The following IDO2 variants were observed in gnomAD, a reference collection of about 807,000 sequenced individuals.
The protein encoded by IDO2 is indoleamine 2,3-dioxygenase 2.
A neutral mutation model predicts 45.1 loss-of-function variants in IDO2; 46 were observed. The observed-to-expected ratio is 1.02, with a 90% CI of 0.80 to 1.30. The LOEUF (loss-of-function observed/expected upper bound fraction) is 1.30. Among genes scored for constraint, IDO2 ranks in the 50% most tolerant of loss-of-function variants. The pLI, the probability that IDO2 is intolerant of heterozygous loss-of-function variation, is 0.00. For missense variants in IDO2, 544 were observed against 491.8 expected (o/e 1.11, Z -1.00); for synonymous variants, 218 against 184.9 (o/e 1.18, Z -1.45).
At position 39,970,414 on chromosome 8, in the gene IDO2, C is replaced by G. The variant is rs191185891; in HGVS notation, c.195+6711C>G. 1.5e-3 allele frequency among the ~76,000 whole-genome samples: 236 copies of G among 152,310 alleles called. 8 individuals carry two copies. The highest frequency in any genetic ancestry group is 0.015 in the Admixed American group (235 of 15,288). ...ATTTATTAATTTATTTATTTTGAGA[C>G]AAAGTCTTGCTCTGTCCCCCAGGCT... On this transcript the variant is annotated intron_variant, in intron 3 of 10. Coordinates refer to ENST00000502986, the Ensembl canonical transcript of IDO2.
chr8:39,949,060 C>T, intron 1 of IDO2, 89 bp from the exon 2 acceptor site: 1 of 1,512,756 alleles, frequency 6.6e-7, no homozygotes, highest in Middle Eastern at 1.8e-4. Flanking sequence ...GTGCCTGAGA[C>T]ACTGCGCAAC....
chr8:39,979,675 A>AT (rs1396759986), intron 4 of IDO2, among the ~76,000 whole-genome samples: 2 of 152,126 alleles, frequency 1.3e-5, no homozygotes, highest in African/African-American at 4.8e-5. Context: ...TAAATGAAGG[A>AT]TTTTTTTATT....
chr8:39,996,053 A>C (rs1166861769), intron 8 of IDO2, among the ~76,000 whole-genome samples: 2 of 149,102 alleles, frequency 1.3e-5, no homozygotes, highest in African/African-American at 5.0e-5. Flanking sequence ...AAAAATCTCA[A>C]TAAACTTTAT....
intron 2 of IDO2, among the ~76,000 whole-genome samples, chr8:39,955,486 C>G (rs925595235): frequency 6.6e-6 from 1 of 151,892 alleles, no homozygotes; most frequent in Non-Finnish European, 1.5e-5. Flanking sequence ...GAACTTCTGA[C>G]CTCAGGTGAT....
intron 1 of IDO2, among the ~76,000 whole-genome samples, chr8:39,945,655 A>G (rs1051028052): frequency 6.6e-6 from 1 of 152,238 alleles, no homozygotes; most frequent in African/African-American, 2.4e-5. Context: ...AGTGTCTGAC[A>G]TTCCATCTAG....
chr8:39,974,703 A>G (rs1808233612), intron 3 of IDO2, among the ~76,000 whole-genome samples: 1 of 152,216 alleles, frequency 6.6e-6, no homozygotes, highest in Non-Finnish European at 1.5e-5. Flanking sequence ...CAGATCGATC[A>G]CAAAGTCAAG....
chr8:39,955,769 G>A (rs1807883032), intron 2 of IDO2, among the ~76,000 whole-genome samples: 1 of 152,120 alleles, frequency 6.6e-6, no homozygotes, highest in Admixed American at 6.6e-5. Context: ...TGCTATTTTG[G>A]CATGTCCTCT....
chr8:39,963,185 C>G (rs183314766), intron 2 of IDO2, among the ~76,000 whole-genome samples: 1 of 152,240 alleles, frequency 6.6e-6, no homozygotes, highest in African/African-American at 2.4e-5. Context: ...TCCCCTCTAC[C>G]TTTACTACCT....
intron 2 of IDO2, among the ~76,000 whole-genome samples, chr8:39,957,669 C>T (rs1364084218): frequency 6.6e-6 from 1 of 152,152 alleles, no homozygotes; most frequent in African/African-American, 2.4e-5. Flanking sequence ...ACTCTTCCTA[C>T]AGGGCCCCTG....
chr8:40,005,150 A>T (rs747142849), intron 8 of IDO2, among the ~76,000 whole-genome samples, 177 bp from the exon 9 acceptor site: 2 of 152,218 alleles, frequency 1.3e-5, no homozygotes, highest in Non-Finnish European at 2.9e-5. Context: ...TTCCGGGAGC[A>T]CCCATGAGGG....
At position 39,995,282 on chromosome 8, in the gene IDO2, CTTCTTCTTTTTTTTT is replaced by C. The variant is rs1563438371; in HGVS notation, c.667+5446_667+5460del. On this transcript the variant is annotated intron_variant, in intron 8 of 10. Transcript: ENST00000502986. ...TCTTCTTCCTCTTCTTCTTCTTCTT[CTTCTTCTTTTTTTTT>C]TGAGATGGAGTCTTGCTCTGTTGCC... 1.8e-3 allele frequency: 245 copies of C among 137,686 alleles called. 1 individual carries two copies. The highest frequency in any genetic ancestry group is 7.0e-3 in the African/African-American group (230 of 32,716). The allele number at this position is 137,686 out of a possible 1,614,324, so 8.5% of individuals were successfully genotyped here. A position where few individuals can be genotyped will look rare whatever the true frequency, so the allele number is the denominator to read the frequency against.
chr8:39,953,649 G>A (rs375637791), intron 2 of IDO2, among the ~76,000 whole-genome samples: 2 of 152,054 alleles, frequency 1.3e-5, no homozygotes, highest in East Asian at 1.9e-4. Context: ...TGCAACCTCC[G>A]CCTCCTGGGT....
At chr8:40,011,974 G>A (rs1353745795) in intron 9 of IDO2, among the ~76,000 whole-genome samples, 7 of 152,162 alleles carry the variant, frequency 4.6e-5, no homozygotes, top group African/African-American at 1.4e-4. Flanking sequence ...TCAGAGTGAT[G>A]TTGCCCCAAT....
chr8:39,990,363 G>A (rs1388338532), intron 8 of IDO2, among the ~76,000 whole-genome samples: 1 of 152,156 alleles, frequency 6.6e-6, no homozygotes, highest in East Asian at 1.9e-4. Flanking sequence ...GAATCAAAAT[G>A]GAGTCACTTG....
intron 3 of IDO2, among the ~76,000 whole-genome samples, chr8:39,967,122 T>C (rs183304533): frequency 6.6e-6 from 1 of 152,126 alleles, no homozygotes; most frequent in East Asian, 1.9e-4. Flanking sequence ...CTTGATAAAT[T>C]TCATAAAGCA....
At chr8:39,969,013 G>A (rs948152542) in intron 3 of IDO2, among the ~76,000 whole-genome samples, 26 of 152,194 alleles carry the variant, frequency 1.7e-4, no homozygotes, top group Admixed American at 1.6e-3. Flanking sequence ...GTGTTGTGTT[G>A]TGACTAGAAT....
At chr8:39,995,218 TCTCCTTCTC>T (rs1563438212) in intron 8 of IDO2, 1 of 73,408 alleles carries the variant, frequency 1.4e-5, no homozygotes, top group African/African-American at 7.1e-5. Flanking sequence ...TCCTTCTCCT[TCTCCTTCTC>T]CTTCTCCTTC....
exon 3 of IDO2, chr8:39,963,641 G>C (rs1273301377): frequency 6.2e-7 from 1 of 1,611,914 alleles, no homozygotes; most frequent in African/African-American, 1.3e-5. Flanking sequence ...GCCTTGGATG[G>C]AAATTGCCAA....
At chr8:39,948,399 A>T (rs1453644676) in intron 1 of IDO2, among the ~76,000 whole-genome samples, 1 of 151,954 alleles carries the variant, frequency 6.6e-6, no homozygotes, top group African/African-American at 2.4e-5. Context: ...GTTGTGGTTT[A>T]TCAAACCTGG....
Sources: allele counts gnomAD v4.1 joint callset (sites outside exome capture counted in the v4.1 genomes callset), GRCh38; gene constraint gnomAD v4.1.1; transcripts MANE v1.5; gene names NCBI Gene and HGNC (gene_info 2026-07-23, HGNC 2026-07-21).